GOLGA7B: variants seen among roughly 807,000 people sequenced by gnomAD.
The protein encoded by GOLGA7B is golgin A7 family member B, also known as golgin subfamily A member 7B.
GOLGA7B carries 17 observed loss-of-function variants against 21.5 expected under a neutral mutation model. That is an observed-to-expected ratio of 0.79 (90% CI 0.54 to 1.19). The LOEUF (loss-of-function observed/expected upper bound fraction) is 1.19. GOLGA7B is among the 50% of genes most tolerant of loss of function. The pLI, the probability that GOLGA7B is intolerant of heterozygous loss-of-function variation, is 0.00. For synonymous variants in GOLGA7B, 87 were observed against 84.0 expected (o/e 1.04, Z -0.19); for missense variants, 169 against 224.4 (o/e 0.75, Z 1.58).
Position 97,853,129 on chromosome 10 carries a change from A to G in GOLGA7B, c.12+2814A>G, listed in dbSNP as rs191935142. ...GCATGGAATTAATGATGAGTAGACAACTGGGTCAGGCTTGAGCACTGGTAC... is the reference window on the plus strand; with the variant it reads ...GCATGGAATTAATGATGAGTAGACAGCTGGGTCAGGCTTGAGCACTGGTAC... On this transcript the variant is annotated intron_variant, in intron 1 of 4. Coordinates refer to ENST00000370602, the MANE Select transcript of GOLGA7B (RefSeq NM_001010917.3). Among the ~76,000 whole-genome samples, 203 of 152,324 alleles carry G rather than the reference A, an allele frequency of 1.3e-3. 1 individual carries two copies. The highest frequency in any genetic ancestry group is 4.2e-3 in the African/African-American group (174 of 41,578).
intron 2 of GOLGA7B, among the ~76,000 whole-genome samples, chr10:97,862,169 G>A (rs1240966166): frequency 6.6e-6 from 1 of 152,212 alleles, no homozygotes; most frequent in East Asian, 1.9e-4. Flanking sequence ...CCTTGGACAA[G>A]TTTACTTAGC....
rs375513503 is a variant in GOLGA7B, at chr10:97,865,607, C to T, written c.411C>T (p.Tyr137=). The T allele has an allele frequency of 5.5e-5, 88 of 1,613,606 alleles. 1 individual carries two copies. The highest frequency in any genetic ancestry group is 4.1e-4 in the African/African-American group (31 of 75,060). The change falls in exon 5 of 5, where the codon TAC becomes TAT. Residue 137 remains tyrosine (Y), a synonymous_variant. Transcript: ENST00000370602. ...GACCCCAGATTGAGATCTCCATCTA[C>T]GAGGACCGGTGCAGCAGTGGCAGCT... ...RGMRVIEISI[Y]EDRCSSGSSS...
chr10:97,851,641 GCTGCCAGA>G (rs1180356371), intron 1 of GOLGA7B, among the ~76,000 whole-genome samples: 2 of 152,234 alleles, frequency 1.3e-5, no homozygotes, highest in Non-Finnish European at 2.9e-5. Flanking sequence ...TCCAGATAGG[GCTGCCAGA>G]CTGCAGCAGA....
chr10:97,865,812 G>T lies in GOLGA7B; in HGVS notation c.*112G>T. ...CTGAGTCATTCTTTGGGCTCACCCT[G>T]CTGCCCGGGGTGGGAGGGAGGGTGA... On this transcript the variant is annotated 3_prime_UTR_variant, in exon 5 of 5. Coordinates refer to ENST00000370602, the MANE Select transcript of GOLGA7B (RefSeq NM_001010917.3). The T allele has an allele frequency of 1.5e-6, 2 of 1,367,698 alleles. No homozygotes were observed. Among genetic ancestry groups the T allele is most frequent in the Non-Finnish European group, 1.9e-6 (2 of 1,038,364 alleles). 84.7% of individuals were successfully genotyped at this position (1,367,698 alleles called of 1,614,324 possible). A position where few individuals can be genotyped will look rare whatever the true frequency, so the allele number is the denominator to read the frequency against.
intron 4 of GOLGA7B, chr10:97,865,381 C>T: frequency 1.3e-6 from 1 of 795,102 alleles, no homozygotes; most frequent in Non-Finnish European, 1.9e-6. Flanking sequence ...CAGCACAGGG[C>T]CTGGCCTTAC....
chr10:97,854,915 C>G (rs1346159408), intron 1 of GOLGA7B, among the ~76,000 whole-genome samples: 1 of 152,166 alleles, frequency 6.6e-6, no homozygotes, highest in Non-Finnish European at 1.5e-5. Context: ...TGTGGTGTCA[C>G]TATCTTCAAC....
rs557982670 is a variant in GOLGA7B at position 97,871,478 on chromosome 10, T to C, written c.*5778T>C. ...AGGACCTCGTTATACGATGGCCTCATGATGTAGATTTATAGCAGGCTTCAG... is the reference window on the plus strand; with the variant it reads ...AGGACCTCGTTATACGATGGCCTCACGATGTAGATTTATAGCAGGCTTCAG... On this transcript the variant is annotated 3_prime_UTR_variant, in exon 5 of 5. Transcript: ENST00000370602. 7 of 152,376 alleles carry C rather than the reference T, an allele frequency of 4.6e-5. No homozygotes were observed. The highest frequency in any genetic ancestry group is 1.7e-4 in the African/African-American group (7 of 41,570). The allele number at this position is 152,376 out of a possible 1,614,324, so 9.4% of individuals were successfully genotyped here. A position where few individuals can be genotyped will look rare whatever the true frequency, so the allele number is the denominator to read the frequency against.
chr10:97,864,104 T>C, intron 3 of GOLGA7B, 22 bp downstream of exon 3: 1 of 1,613,992 alleles, frequency 6.2e-7, no homozygotes, highest in Non-Finnish European at 8.5e-7. Context: ...CGCCCCACCG[T>C]GCATCCCTTC....
chr10:97,860,542 G>C (rs1032690800), intron 2 of GOLGA7B, among the ~76,000 whole-genome samples: 2 of 152,042 alleles, frequency 1.3e-5, no homozygotes, highest in East Asian at 3.9e-4. Context: ...TAGTAGAGAC[G>C]GGGTTTTGCC....
At position 97,867,675 on chromosome 10, in the gene GOLGA7B, G is replaced by C. The variant is rs149385875; in HGVS notation, c.*1975G>C. On this transcript the variant is annotated 3_prime_UTR_variant, in exon 5 of 5. Coordinates refer to ENST00000370602, the MANE Select transcript of GOLGA7B (RefSeq NM_001010917.3). ...TCTGACCTGTGCATCTCCCATGGGA[G>C]GGCTGGGCACAGGCAGTGCTATGGC... 1.3e-5 allele frequency: 2 copies of C among 152,356 alleles called. No homozygotes were observed. Among genetic ancestry groups the C allele is most frequent in the South Asian group, 2.1e-4 (1 of 4,830 alleles). The allele number at this position is 152,356 out of a possible 1,614,324, so 9.4% of individuals were successfully genotyped here.
chr10:97,864,270 G>A lies in GOLGA7B; in HGVS notation c.393+1G>A. Reference sequence around the variant, plus strand: ...CCCTGTGGAGCGTGGGATGAGGGTTGTATCCTTCTGGGCTATTCTGTGTTG... The same window carrying A: ...CCCTGTGGAGCGTGGGATGAGGGTTATATCCTTCTGGGCTATTCTGTGTTG... On this transcript the variant is annotated splice_donor_variant, in intron 4 of 4. Transcript: ENST00000370602. LOFTEE classifies it high-confidence loss of function. The A allele has an allele frequency of 6.2e-7, 1 of 1,611,438 alleles. No homozygotes were observed. Among genetic ancestry groups the A allele is most frequent in the Non-Finnish European group, 8.5e-7 (1 of 1,177,518 alleles).
chr10:97,853,306 A>G (rs2049915032), intron 1 of GOLGA7B, among the ~76,000 whole-genome samples: 1 of 152,218 alleles, frequency 6.6e-6, no homozygotes, highest in Non-Finnish European at 1.5e-5. Flanking sequence ...GATGCCTCAC[A>G]TGCATCCTAT....
At chr10:97,854,113 T>C (rs56207937) in intron 1 of GOLGA7B, among the ~76,000 whole-genome samples, 21,186 of 152,188 alleles carry the variant, frequency 0.14, 2,147 homozygotes, top group African/African-American at 0.28. Context: ...TAGTCATCTG[T>C]CTCCTTGAGA....
rs370419153 is a variant in GOLGA7B, at chr10:97,859,479, C to T, written c.34C>T (p.Arg12Trp). The T allele has an allele frequency of 2.2e-5, 35 of 1,613,934 alleles. No homozygotes were observed. The highest frequency in any genetic ancestry group is 5.3e-5 in the African/African-American group (4 of 74,920). The part of the protein sequence containing the change: ...ATEVHNLQEL[R>W]RSASLATKVF... ...TCAGGTCCACAATCTGCAGGAGCTC[C>T]GGCGAAGTGCCTCACTGGCCACCAA... The change falls in exon 2 of 5, where the codon CGG (arginine) becomes TGG (tryptophan). Residue 12 changes from arginine (R) to tryptophan (W), a missense_variant. Arg to Trp is a moderately radical substitution (Grantham distance 101, BLOSUM62 -3). Coordinates refer to ENST00000370602, the MANE Select transcript of GOLGA7B (RefSeq NM_001010917.3).
intron 1 of GOLGA7B, among the ~76,000 whole-genome samples, chr10:97,853,064 G>T (rs2049913536): frequency 6.6e-6 from 1 of 152,210 alleles, no homozygotes; most frequent in South Asian, 2.1e-4. Context: ...CATCCAAGTA[G>T]CGTTATTCAA....
chr10:97,860,017 C>G lies in GOLGA7B; in HGVS notation c.138+434C>G, dbSNP rs868661191. The stretch of plus-strand genomic sequence containing the variant: ...GAGGTTCCTGGGGAGCTTAAAAAAT[C>G]CTGATGCTCAGACTGCAGCCCAAAC... On this transcript the variant is annotated intron_variant, in intron 2 of 4. Coordinates refer to ENST00000370602, the MANE Select transcript of GOLGA7B (RefSeq NM_001010917.3). Among the ~76,000 whole-genome samples, 4 of 152,308 alleles carry G rather than the reference C, an allele frequency of 2.6e-5. No individual in the cohort carries two copies. The South Asian group carries it at 8.3e-4, about 32-fold the overall frequency.
chr10:97,856,498 G>A (rs1397485226), intron 1 of GOLGA7B, among the ~76,000 whole-genome samples: 3 of 152,120 alleles, frequency 2.0e-5, no homozygotes, highest in Non-Finnish European at 4.4e-5. Context: ...TTGTTACTCT[G>A]AAGTTGGTTC....
At chr10:97,856,132 G>C (rs1238863746) in intron 1 of GOLGA7B, among the ~76,000 whole-genome samples, 1 of 151,968 alleles carries the variant, frequency 6.6e-6, no homozygotes, top group Non-Finnish European at 1.5e-5. Context: ...TTGTTACATG[G>C]GTATATTGCA....
At position 97,850,129 on chromosome 10, in the gene GOLGA7B, C is replaced by G; in HGVS notation, c.-175C>G. ...GCCGCGCCCCTTGCCTGGACCCAGC[C>G]GCCCGCCCGCCCCCGGCCCACCTGA... On this transcript the variant is annotated 5_prime_UTR_variant, in exon 1 of 5. Coordinates refer to ENST00000370602, the MANE Select transcript of GOLGA7B (RefSeq NM_001010917.3). The G allele has an allele frequency of 6.1e-6, 1 of 164,842 alleles. No individual in the cohort carries two copies. The highest frequency in any genetic ancestry group is 1.3e-5 in the Non-Finnish European group (1 of 78,322). 10.2% of individuals were successfully genotyped at this position (164,842 alleles called of 1,614,324 possible).
Sources: allele counts gnomAD v4.1 joint callset (sites outside exome capture counted in the v4.1 genomes callset), GRCh38; gene constraint gnomAD v4.1.1; transcripts MANE v1.5; gene names NCBI Gene and HGNC (gene_info 2026-07-23, HGNC 2026-07-21).